The following SLC8A1 variants were observed in gnomAD, a reference collection of about 807,000 sequenced individuals.
SLC8A1 encodes sodium/calcium exchanger 1.
SLC8A1 carries 18 observed loss-of-function variants against 68.3 expected under a neutral mutation model. The observed-to-expected ratio is 0.26, with a 90% CI of 0.18 to 0.39. The LOEUF is 0.39. Among genes scored for constraint, SLC8A1 ranks in the 10% least tolerant of loss-of-function variants. The pLI, the probability that SLC8A1 is intolerant of heterozygous loss-of-function variation, is 1.00. For missense variants in SLC8A1, 985 were observed against 1,156.7 expected (o/e 0.85, Z 2.15); for synonymous variants, 475 against 415.5 (o/e 1.14, Z -1.74).
rs957256197 is a variant in SLC8A1, at chr2:40,436,093, T to C, written c.-24-5789A>G. 7.9e-5 allele frequency among the ~76,000 whole-genome samples: 12 copies of C among 152,166 alleles called. No homozygotes were observed. The South Asian group carries it at 2.1e-3, about 26-fold the overall frequency. On this transcript the variant is annotated intron_variant, in intron 1 of 7. Coordinates refer to ENST00000406785, the Ensembl canonical transcript of SLC8A1. Reference sequence around the variant, plus strand: ...CCAGCTCTTATTACTTCTTACATGCTATCTATTTTATTCAATGGTTCTATT... The same window carrying C: ...CCAGCTCTTATTACTTCTTACATGCCATCTATTTTATTCAATGGTTCTATT...
At chr2:40,437,112 G>A (rs574349136) in intron 1 of SLC8A1, among the ~76,000 whole-genome samples, 1 of 152,276 alleles carries the variant, frequency 6.6e-6, no homozygotes, top group African/African-American at 2.4e-5. Context: ...AAGTAAGCTG[G>A]CTAGAGTCAT....
At chr2:40,467,938 A>G (rs1467528686) in intron 1 of SLC8A1, among the ~76,000 whole-genome samples, 2 of 152,180 alleles carry the variant, frequency 1.3e-5, no homozygotes, top group Non-Finnish European at 2.9e-5. Flanking sequence ...ACTATTAAAT[A>G]TGGGTATAAC....
intron 2 of SLC8A1, among the ~76,000 whole-genome samples, chr2:40,242,765 A>ACAAC (rs1293117329): frequency 1.3e-5 from 2 of 152,254 alleles, no homozygotes; most frequent in Admixed American, 6.5e-5. Flanking sequence ...GAATACAAAT[A>ACAAC]CAACCATGCC....
intron 2 of SLC8A1, among the ~76,000 whole-genome samples, chr2:40,273,665 T>C (rs566463730): frequency 6.6e-6 from 1 of 152,138 alleles, no homozygotes; most frequent in Non-Finnish European, 1.5e-5. Flanking sequence ...GTTTTAAAAG[T>C]GTGGCCCATT....
chr2:40,159,824 C>T (rs901499271), intron 6 of SLC8A1, among the ~76,000 whole-genome samples: 1 of 152,180 alleles, frequency 6.6e-6, no homozygotes, highest in African/African-American at 2.4e-5. Flanking sequence ...TCTCTTCTCA[C>T]AGCACTTGGG....
intron 2 of SLC8A1, among the ~76,000 whole-genome samples, chr2:40,186,573 A>T (rs391631): frequency 0.24 from 37,250 of 152,080 alleles, 4,847 homozygotes; most frequent in African/African-American, 0.29. Context: ...TTTTTAGATT[A>T]CTGGTGAGAT....
upstream of SLC8A1, among the ~76,000 whole-genome samples, chr2:40,456,584 T>C (rs1029836439): frequency 6.6e-6 from 1 of 152,156 alleles, no homozygotes; most frequent in African/African-American, 2.4e-5. Context: ...GGGAAGCTTT[T>C]TAACCTCTTA....
intron 2 of SLC8A1, among the ~76,000 whole-genome samples, chr2:40,404,492 A>C (rs1274300755): frequency 6.6e-6 from 1 of 152,190 alleles, no homozygotes; most frequent in African/African-American, 2.4e-5. Flanking sequence ...ACAGCTATCA[A>C]ATATGTAAAA....
At chr2:40,461,347 C>T (rs1285368893) in intron 1 of SLC8A1, among the ~76,000 whole-genome samples, 2 of 152,118 alleles carry the variant, frequency 1.3e-5, no homozygotes, top group Non-Finnish European at 2.9e-5. Flanking sequence ...TTGTGCCTAA[C>T]TTCTCTACAG....
chr2:40,510,058 C>T (rs1038432419), intron 1 of SLC8A1, among the ~76,000 whole-genome samples: 2 of 152,132 alleles, frequency 1.3e-5, no homozygotes, highest in Admixed American at 6.6e-5. Flanking sequence ...GATCTCTTGA[C>T]CTCATGGTCT....
At chr2:40,307,663 TTTACA>T (rs1441116567) in intron 2 of SLC8A1, among the ~76,000 whole-genome samples, 1 of 152,212 alleles carries the variant, frequency 6.6e-6, no homozygotes, top group Non-Finnish European at 1.5e-5. Flanking sequence ...ATGAGACTTC[TTTACA>T]TAAGTAGCCA....
At chr2:40,448,643 A>G (rs1163364649) in intron 1 of SLC8A1, among the ~76,000 whole-genome samples, 1 of 152,214 alleles carries the variant, frequency 6.6e-6, no homozygotes, top group Non-Finnish European at 1.5e-5. Context: ...AGGATTCTGG[A>G]ACCCAGAGAA....
chr2:40,206,901 T>G (rs534152427), intron 2 of SLC8A1, among the ~76,000 whole-genome samples: 76 of 152,204 alleles, frequency 5.0e-4, no homozygotes, highest in African/African-American at 1.8e-3. Flanking sequence ...ATGATCATAA[T>G]GGCACAAAAT....
chr2:40,409,616 GAA>G (rs1370851928), intron 2 of SLC8A1, among the ~76,000 whole-genome samples: 3 of 152,066 alleles, frequency 2.0e-5, no homozygotes, highest in Non-Finnish European at 4.4e-5. Context: ...TTGCTGAATA[GAA>G]AAAGTGTTGG....
intron 1 of SLC8A1, among the ~76,000 whole-genome samples, chr2:40,467,217 A>G (rs1338838682): frequency 6.6e-6 from 1 of 152,170 alleles, no homozygotes; most frequent in East Asian, 1.9e-4. Flanking sequence ...TTCAATTTTT[A>G]CGTGTCCAAA....
At chr2:40,158,552 C>A (rs115316885) in intron 6 of SLC8A1, among the ~76,000 whole-genome samples, 1,875 of 152,234 alleles carry the variant, frequency 0.012, 49 homozygotes, top group African/African-American at 0.043. Flanking sequence ...CAGTTATTAA[C>A]AATTCTTCAA....
At chr2:40,257,519 C>T (rs434795) in intron 2 of SLC8A1, among the ~76,000 whole-genome samples, 148,894 of 152,084 alleles carry the variant, frequency 0.98, 72,973 homozygotes, top group East Asian at 1. Context: ...AGGAAAATGA[C>T]TGATTACAGA....
chr2:40,254,203 T>G (rs1282255297), intron 2 of SLC8A1, among the ~76,000 whole-genome samples: 1 of 152,140 alleles, frequency 6.6e-6, no homozygotes, highest in Non-Finnish European at 1.5e-5. Context: ...AAATAAAAGC[T>G]AATTCCAACT....
At chr2:40,442,812 T>C (rs1488244577) in intron 1 of SLC8A1, among the ~76,000 whole-genome samples, 2 of 152,174 alleles carry the variant, frequency 1.3e-5, no homozygotes, top group East Asian at 1.9e-4. Context: ...CACATACGTG[T>C]ATTGCAGCAA....
Sources: allele counts gnomAD v4.1 joint callset (sites outside exome capture counted in the v4.1 genomes callset), GRCh38; gene constraint gnomAD v4.1.1; transcripts MANE v1.5; gene names NCBI Gene and HGNC (gene_info 2026-07-23, HGNC 2026-07-21).